Variants in MEI4 observed in about 807,000 individuals in gnomAD.
The protein encoded by MEI4 is meiosis-specific protein MEI4.
Under a neutral mutation model 31.4 loss-of-function variants are expected in MEI4, and 27 were observed. The observed-to-expected ratio is 0.86, with a 90% confidence interval of 0.63 to 1.19. The LOEUF (loss-of-function observed/expected upper bound fraction) is 1.19. MEI4 is among the 50% of genes most tolerant of loss of function. The pLI is 0.00. For missense variants in MEI4, 329 were observed against 398.9 expected, an observed-to-expected ratio of 0.82 and a Z score of 1.49; for synonymous variants, 122 against 145.4, an observed-to-expected ratio of 0.84 and a Z score of 1.16.
At chr6:77,816,342 T>C (rs1562000231) in intron 3 of MEI4, among the ~76,000 whole-genome samples, 1 of 152,204 alleles carries the variant, frequency 6.6e-6, no homozygotes, top group Non-Finnish European at 1.5e-5. Context: ...GAGGTCCTTA[T>C]ATTAATTTAA....
intron 3 of MEI4, among the ~76,000 whole-genome samples, chr6:77,828,689 A>G (rs1413644646): frequency 1.3e-5 from 2 of 152,140 alleles, no homozygotes; most frequent in Non-Finnish European, 2.9e-5. Context: ...ATCTTTTGCT[A>G]TTTCAACTAA....
At chr6:77,726,139 A>G (rs1356778406) in intron 2 of MEI4, among the ~76,000 whole-genome samples, 1 of 135,692 alleles carries the variant, frequency 7.4e-6, no homozygotes, top group African/African-American at 2.9e-5. Context: ...CTTAAGGAGC[A>G]TGCTGCCTTC....
chr6:77,731,377 AGTGATG>A (rs1435651900), intron 2 of MEI4, among the ~76,000 whole-genome samples: 2 of 151,448 alleles, frequency 1.3e-5, no homozygotes, highest in Middle Eastern at 3.4e-3. Context: ...TCTGATGGCC[AGTGATG>A]GTGAGCATTT....
Position 77,684,955 on chromosome 6 carries a change from T to A in MEI4, c.-14-5703T>A, listed in dbSNP as rs1407808127. Reference sequence around the variant, plus strand: ...GTTCTCCATAGTGGTTGTACTAATTTACATTCCCACCAACAGTGTACAAAG... The same window carrying A: ...GTTCTCCATAGTGGTTGTACTAATTAACATTCCCACCAACAGTGTACAAAG... On this transcript the variant is annotated intron_variant, in intron 1 of 4. Coordinates refer to ENST00000684080, the MANE Select transcript of MEI4 (RefSeq NM_001322247.2). 2.0e-5 allele frequency among the ~76,000 whole-genome samples: 3 copies of A among 152,208 alleles called. No homozygotes were observed. In the South Asian group the frequency reaches 6.2e-4, roughly 31 times the overall value.
At chr6:77,675,144 G>T (rs987490266) in intron 1 of MEI4, among the ~76,000 whole-genome samples, 13 of 151,964 alleles carry the variant, frequency 8.6e-5, no homozygotes, top group Admixed American at 6.6e-5. Flanking sequence ...TTGTATATAT[G>T]TCACTGTCTT....
intron 2 of MEI4, among the ~76,000 whole-genome samples, chr6:77,736,619 T>C (rs1767242534): frequency 6.6e-6 from 1 of 152,118 alleles, no homozygotes; most frequent in South Asian, 2.1e-4. Flanking sequence ...CTGGGAGCTG[T>C]AGACCGGAGC....
Position 77,734,181 on chromosome 6 carries a change from C to G in MEI4, c.233-26949C>G, listed in dbSNP as rs557068488. Among the ~76,000 whole-genome samples the G allele has an allele frequency of 7.2e-5, 11 of 152,012 alleles. 1 individual carries two copies. The South Asian group carries it at 2.1e-3, about 29-fold the overall frequency. ...GAGCTGAGTTCAATTCCTGGGTATC[C>G]TTGTTGACTTTCTGTCTCATGATCT... On this transcript the variant is annotated intron_variant, in intron 2 of 4. Transcript: ENST00000684080.
intron 3 of MEI4, among the ~76,000 whole-genome samples, chr6:77,762,473 AT>A (rs1385781023): frequency 2.0e-5 from 3 of 152,092 alleles, no homozygotes; most frequent in African/African-American, 7.2e-5. Context: ...AATCCTCTTT[AT>A]TTGACTACCA....
At chr6:77,884,645 T>C (rs1208768118) in intron 4 of MEI4, among the ~76,000 whole-genome samples, 1 of 152,210 alleles carries the variant, frequency 6.6e-6, no homozygotes, top group Non-Finnish European at 1.5e-5. Context: ...GATACCTTTG[T>C]TGAAGATCAG....
At chr6:77,865,966 C>T (rs1335550817) in intron 4 of MEI4, among the ~76,000 whole-genome samples, 1 of 152,118 alleles carries the variant, frequency 6.6e-6, no homozygotes, top group African/African-American at 2.4e-5. Flanking sequence ...TAAACAGAAC[C>T]AACGACAAAA....
chr6:77,724,868 G>T (rs533315766), intron 2 of MEI4, among the ~76,000 whole-genome samples: 1 of 146,288 alleles, frequency 6.8e-6, no homozygotes. Flanking sequence ...CTACATATTC[G>T]CAATGTAAAC....
intron 4 of MEI4, among the ~76,000 whole-genome samples, chr6:77,837,253 G>A (rs139507937): frequency 1.2e-3 from 180 of 152,300 alleles, no homozygotes; most frequent in Non-Finnish European, 1.7e-3. Flanking sequence ...AGAATCAGAT[G>A]TCTAGTTAAA....
chr6:77,741,994 C>G (rs1334508785), intron 2 of MEI4, among the ~76,000 whole-genome samples: 4 of 151,870 alleles, frequency 2.6e-5, no homozygotes, highest in Non-Finnish European at 5.9e-5. Context: ...GTATATGTGC[C>G]ACATTTTCTT....
At chr6:77,792,552 G>T (rs868768465) in intron 3 of MEI4, among the ~76,000 whole-genome samples, 1 of 151,996 alleles carries the variant, frequency 6.6e-6, no homozygotes, top group Admixed American at 6.6e-5. Context: ...AATATTGCTC[G>T]GACTATTGCT....
At chr6:77,744,490 T>G (rs1377470280) in intron 2 of MEI4, among the ~76,000 whole-genome samples, 2 of 151,980 alleles carry the variant, frequency 1.3e-5, no homozygotes, top group Admixed American at 1.3e-4. Flanking sequence ...AATCTACGTC[T>G]GATTGGTGTA....
In MEI4 at chr6:77,902,096, G is replaced by T. The variant is rs143985342; in HGVS notation, c.901-20993G>T. Among the ~76,000 whole-genome samples the T allele has an allele frequency of 4.8e-4, 73 of 152,130 alleles. No homozygotes were observed. The South Asian group carries it at 0.015, about 31-fold the overall frequency. On this transcript the variant is annotated intron_variant, in intron 4 of 4. Coordinates refer to ENST00000684080, the MANE Select transcript of MEI4 (RefSeq NM_001322247.2). ...TGTTAGTCCAATACCATACTGTTTT[G>T]ATTATTATAGCCTTGTAGCAGATTT...
intron 4 of MEI4, among the ~76,000 whole-genome samples, chr6:77,916,665 C>G (rs1766556493): frequency 6.6e-6 from 1 of 152,006 alleles, no homozygotes; most frequent in Non-Finnish European, 1.5e-5. Context: ...TATCAAGAAC[C>G]CACTTTCTTT....
chr6:77,705,209 A>G (rs1201431440), intron 2 of MEI4, among the ~76,000 whole-genome samples: 2 of 113,156 alleles, frequency 1.8e-5, no homozygotes, highest in Non-Finnish European at 4.2e-5. Context: ...TTTGTTCTTA[A>G]TAAGTACCCA....
chr6:77,815,937 A>G (rs1769679052), intron 3 of MEI4, among the ~76,000 whole-genome samples: 1 of 152,024 alleles, frequency 6.6e-6, no homozygotes, highest in South Asian at 2.1e-4. Flanking sequence ...CAGGGTGCTT[A>G]TAGGCAGAGG....
Sources: gnomAD v4.1 joint callset for allele counts (sites outside exome capture counted in the v4.1 genomes callset) on GRCh38, gnomAD v4.1.1 for gene constraint, MANE v1.5 for transcripts, NCBI Gene and HGNC (gene_info 2026-07-23, HGNC 2026-07-21) for gene names.